Variants in FHAD1 observed in about 807,000 individuals in gnomAD.
The protein encoded by FHAD1 is forkhead-associated domain-containing protein 1.
FHAD1 carries 146 observed loss-of-function variants against 191.3 expected under a neutral mutation model. The ratio of observed to expected loss-of-function variants is 0.76; its 90% CI spans 0.67 to 0.88. The LOEUF (loss-of-function observed/expected upper bound fraction) is 0.88, where lower values mean the gene tolerates loss of function less well. FHAD1 is among the 40% of genes least tolerant of loss of function. The pLI, the probability that FHAD1 is intolerant of heterozygous loss-of-function variation, is 0.00. For synonymous variants in FHAD1, 616 were observed against 672.3 expected, an observed-to-expected ratio of 0.92 and a Z score of 1.29; for missense variants, 1,635 against 1,785.8, an observed-to-expected ratio of 0.92 and a Z score of 1.52.
intron 20 of FHAD1, among the ~76,000 whole-genome samples, chr1:15,357,600 G>A (rs948572919): frequency 4.1e-5 from 6 of 147,568 alleles, no homozygotes; most frequent in Non-Finnish European, 8.9e-5. Flanking sequence ...TCCAGCCCAG[G>A]TGACAATGCG....
chr1:15,353,725 AAG>A (rs1293983815), intron 20 of FHAD1, among the ~76,000 whole-genome samples: 25 of 144,662 alleles, frequency 1.7e-4, no homozygotes, highest in African/African-American at 6.9e-4. Context: ...AAAAAAAAAA[AAG>A]AAAAGAAAAA....
intron 10 of FHAD1, among the ~76,000 whole-genome samples, chr1:15,320,068 C>A (rs1369930681): frequency 6.6e-6 from 1 of 152,156 alleles, no homozygotes; most frequent in Non-Finnish European, 1.5e-5. Flanking sequence ...TTATTCAGAT[C>A]AAAATATTTT....
intron 32 of FHAD1, among the ~76,000 whole-genome samples, chr1:15,390,014 G>T (rs1353622427): frequency 6.6e-6 from 1 of 152,176 alleles, no homozygotes; most frequent in Non-Finnish European, 1.5e-5. Flanking sequence ...TCACAAAATA[G>T]CAGCCCACGG....
In FHAD1 at chr1:15,272,409, C is replaced by T. The variant is rs1656464336; in HGVS notation, c.180C>T (p.Asn60=). ...TTCTCCAGGACTTCAATTCCCGCAA[C>T]GGCACGTTTGTCAACGAGTGCCACA... ...SFVLQDFNSR[N]GTFVNECHIQ... Residue 60 remains asparagine, a synonymous_variant, in exon 3 of 34, where the codon AAC becomes AAT. Coordinates refer to ENST00000688493, the MANE Select transcript of FHAD1 (RefSeq NM_001391957.1). 5.2e-6 allele frequency: 8 copies of T among 1,551,614 alleles called. No individual in the cohort carries two copies. In the Admixed American group the frequency reaches 7.8e-5, roughly 15 times the overall value.
At chr1:15,392,828 G>A (rs981738619) in intron 33 of FHAD1, among the ~76,000 whole-genome samples, 7 of 151,784 alleles carry the variant, frequency 4.6e-5, no homozygotes, top group African/African-American at 1.5e-4. Context: ...TCTTTTGTTC[G>A]TGGGCTATAT....
chr1:15,250,143 T>C (rs759049190), intron 1 of FHAD1, among the ~76,000 whole-genome samples: 3 of 152,252 alleles, frequency 2.0e-5, no homozygotes, highest in Non-Finnish European at 2.9e-5. Context: ...TCCAATAATT[T>C]GTCATTTCAC....
At chr1:15,377,850 A>T (rs994065143) in intron 28 of FHAD1, among the ~76,000 whole-genome samples, 1 of 152,210 alleles carries the variant, frequency 6.6e-6, no homozygotes, top group Non-Finnish European at 1.5e-5. Flanking sequence ...AAAGAAAAGA[A>T]AAATGAAGAG....
At chr1:15,303,040 T>C (rs762156359) in intron 6 of FHAD1, among the ~76,000 whole-genome samples, 30 of 152,202 alleles carry the variant, frequency 2.0e-4, no homozygotes, top group Non-Finnish European at 8.8e-5. Context: ...CATTCATTCA[T>C]CCACTCATTC....
chr1:15,283,167 C>A (rs1240367184), intron 3 of FHAD1, among the ~76,000 whole-genome samples: 2 of 152,190 alleles, frequency 1.3e-5, no homozygotes, highest in Non-Finnish European at 2.9e-5. Flanking sequence ...TGGGTCATTG[C>A]CATGGAAAGG....
At chr1:15,298,888 G>A (rs570028601) in intron 5 of FHAD1, among the ~76,000 whole-genome samples, 10 of 151,990 alleles carry the variant, frequency 6.6e-5, no homozygotes, top group Admixed American at 2.0e-4. Flanking sequence ...AGAAAAAATA[G>A]GCTGTGCTCA....
At chr1:15,370,284 A>G (rs1393239436) in intron 26 of FHAD1, among the ~76,000 whole-genome samples, 1 of 152,076 alleles carries the variant, frequency 6.6e-6, no homozygotes, top group African/African-American at 2.4e-5. Flanking sequence ...GCCCATATAG[A>G]TATTTGTTTA....
chr1:15,356,449 C>T (rs1008651299), intron 20 of FHAD1, among the ~76,000 whole-genome samples: 2 of 152,166 alleles, frequency 1.3e-5, no homozygotes, highest in Non-Finnish European at 2.9e-5. Flanking sequence ...TCATCTCTGG[C>T]GTGGCCAGGG....
At chr1:15,383,002 C>CCACA (rs939706244) in intron 31 of FHAD1, among the ~76,000 whole-genome samples, 1 of 151,952 alleles carries the variant, frequency 6.6e-6, no homozygotes, top group Non-Finnish European at 1.5e-5. Context: ...CCCCCTCCCA[C>CCACA]CACACACACA....
Position 15,348,993 on chromosome 1 carries a change from TC to T in FHAD1, c.2347-43del. On this transcript the variant is annotated intron_variant, in intron 18 of 33. Transcript: ENST00000688493. ...ATTATCATTATCATTACTAGCAATT[TC>T]CCCCCTAAATGTGCAGGCCACCAAG... The T allele has an allele frequency of 4.5e-6, 5 of 1,102,276 alleles. No individual in the cohort carries two copies. The Admixed American group carries it at 7.2e-5, about 16-fold the overall frequency. The allele number at this position is 1,102,276 out of a possible 1,614,324, so 68.3% of individuals were successfully genotyped here.
At chr1:15,306,331 G>C (rs750162751) in intron 6 of FHAD1, among the ~76,000 whole-genome samples, 13 of 152,140 alleles carry the variant, frequency 8.5e-5, no homozygotes, top group Non-Finnish European at 1.6e-4. Context: ...TTTTAAAAGG[G>C]AAACAGCATA....
intron 2 of FHAD1, among the ~76,000 whole-genome samples, chr1:15,266,080 G>T (rs1653366706): frequency 6.6e-6 from 1 of 151,732 alleles, no homozygotes; most frequent in Admixed American, 6.6e-5. Flanking sequence ...GGGCGAATAT[G>T]TTTTCATGTT....
intron 20 of FHAD1, among the ~76,000 whole-genome samples, chr1:15,357,180 C>A (rs2102578750): frequency 6.6e-6 from 1 of 152,334 alleles, no homozygotes; most frequent in African/African-American, 2.4e-5. Flanking sequence ...TTTGCACCTC[C>A]ACCAACAGAG....
chr1:15,298,853 A>G (rs1447159980), intron 5 of FHAD1, among the ~76,000 whole-genome samples: 2 of 152,120 alleles, frequency 1.3e-5, no homozygotes, highest in African/African-American at 4.8e-5. Flanking sequence ...CTTCAAGTGC[A>G]AGTGACAATA....
rs1672739580 is a variant in FHAD1 at position 15,312,938 on chromosome 1, G to A, written c.1040-119G>A. On this transcript the variant is annotated intron_variant, in intron 7 of 33. Transcript: ENST00000688493. This position sits in a 1 kb window ranked among gnomAD's most constrained non-coding sequence, Gnocchi z 4.7. ...TGGTCTCAACCCCATTCAAGCTCCT[G>A]GGATCCTTGGAGACACCTCCCTTCT... The A allele has an allele frequency of 9.4e-6, 12 of 1,279,208 alleles. No individual in the cohort carries two copies. In the South Asian group the frequency reaches 1.8e-4, roughly 19 times the overall value. 79.2% of individuals were successfully genotyped at this position (1,279,208 alleles called of 1,614,324 possible).
Sources: allele counts gnomAD v4.1 joint callset (sites outside exome capture counted in the v4.1 genomes callset), GRCh38; gene constraint gnomAD v4.1.1; non-coding constraint Gnocchi (gnomAD v3.1); transcripts MANE v1.5; gene names NCBI Gene and HGNC (gene_info 2026-07-23, HGNC 2026-07-21).